CDKL4: variants seen among roughly 807,000 people sequenced by gnomAD.
CDKL4 encodes cyclin-dependent kinase-like 4.
A neutral mutation model predicts 42.0 loss-of-function variants in CDKL4; 44 were observed. The observed-to-expected ratio is 1.05, with a 90% CI of 0.82 to 1.35. The LOEUF (loss-of-function observed/expected upper bound fraction) is 1.35. CDKL4 is among the 40% of genes most tolerant of loss of function. The pLI is 0.00. For missense variants in CDKL4, 393 were observed against 369.9 expected (o/e 1.06, Z -0.51); for synonymous variants, 120 against 121.6 (o/e 0.99, Z 0.09).
At chr2:39,201,776 C>T (rs1676866365) in intron 5 of CDKL4, among the ~76,000 whole-genome samples, 1 of 152,072 alleles carries the variant, frequency 6.6e-6, no homozygotes, top group Non-Finnish European at 1.5e-5. Context: ...TAAGTGGGAG[C>T]TAAGCTATGA....
At chr2:39,209,182 A>AT (rs1677420548) in intron 4 of CDKL4, among the ~76,000 whole-genome samples, 1 of 151,840 alleles carries the variant, frequency 6.6e-6, no homozygotes, top group African/African-American at 2.4e-5. Flanking sequence ...GCATGATAGC[A>AT]TGTGCCATAG....
chr2:39,225,508 C>T (rs756196564), intron 3 of CDKL4, among the ~76,000 whole-genome samples: 8 of 151,786 alleles, frequency 5.3e-5, no homozygotes, highest in Non-Finnish European at 7.4e-5. Flanking sequence ...ATTTATCAAT[C>T]GTACATTTTT....
intron 5 of CDKL4, among the ~76,000 whole-genome samples, chr2:39,194,810 A>C (rs1299100494): frequency 6.6e-6 from 1 of 152,088 alleles, no homozygotes; most frequent in Non-Finnish European, 1.5e-5. Flanking sequence ...TTTGTGGTAA[A>C]ATACACATAA....
At chr2:39,221,478 T>C (rs1460579031) in intron 3 of CDKL4, among the ~76,000 whole-genome samples, 1 of 152,214 alleles carries the variant, frequency 6.6e-6, no homozygotes, top group Non-Finnish European at 1.5e-5. Context: ...GTTATTTAAA[T>C]AGATTTTAGG....
At chr2:39,204,655 A>G in intron 4 of CDKL4, 38 bp from the exon 5 acceptor site, 1 of 1,154,296 alleles carries the variant, frequency 8.7e-7, no homozygotes, top group Admixed American at 1.9e-5. Flanking sequence ...CTGAACCATC[A>G]AAATGACAAA....
chr2:39,213,142 T>G (rs1047327495), intron 4 of CDKL4, among the ~76,000 whole-genome samples: 1 of 152,180 alleles, frequency 6.6e-6, no homozygotes, highest in Non-Finnish European at 1.5e-5. Flanking sequence ...AACTTTCTTT[T>G]GTTATTCCCT....
intron 3 of CDKL4, 118 bp from the exon 4 acceptor site, chr2:39,213,590 G>T: frequency 1.9e-6 from 1 of 530,338 alleles, no homozygotes; most frequent in Non-Finnish European, 3.5e-6. Context: ...CCATGCGGAA[G>T]GGTCCTAAAA....
chr2:39,194,053 G>A (rs1040866047), intron 5 of CDKL4, among the ~76,000 whole-genome samples: 3 of 152,170 alleles, frequency 2.0e-5, no homozygotes, highest in Non-Finnish European at 2.9e-5. Context: ...GATTATGGGA[G>A]ATTCCTAAAA....
chr2:39,178,946 A>C, intron 9 of CDKL4: 1 of 1,444,890 alleles, frequency 6.9e-7, no homozygotes, highest in Non-Finnish European at 9.1e-7. Flanking sequence ...GAGCAGCCAA[A>C]GAGTTGCGTA....
At chr2:39,246,408 G>A (rs1403921620), upstream of CDKL4, among the ~76,000 whole-genome samples, 1 of 152,064 alleles carries the variant, frequency 6.6e-6, no homozygotes. Flanking sequence ...ATCACCTTAT[G>A]TACAAATCCA....
At chr2:39,196,625 T>C (rs1421612094) in intron 5 of CDKL4, among the ~76,000 whole-genome samples, 3 of 151,694 alleles carry the variant, frequency 2.0e-5, no homozygotes, top group Admixed American at 6.6e-5. Context: ...CTTTTTTTTT[T>C]GAGACGGAGT....
intron 1 of CDKL4, among the ~76,000 whole-genome samples, chr2:39,236,167 A>AG (rs1679361805): frequency 6.6e-6 from 1 of 151,436 alleles, no homozygotes; most frequent in Admixed American, 6.6e-5. Flanking sequence ...AAAAAAAAAA[A>AG]AAAACCAGAA....
chr2:39,224,274 T>C (rs886352314), intron 3 of CDKL4, among the ~76,000 whole-genome samples: 2 of 152,128 alleles, frequency 1.3e-5, no homozygotes, highest in Non-Finnish European at 1.5e-5. Flanking sequence ...TTTCAAAAAA[T>C]ACCCTATTGG....
At chr2:39,212,567 C>T (rs1677655154) in intron 4 of CDKL4, among the ~76,000 whole-genome samples, 1 of 151,244 alleles carries the variant, frequency 6.6e-6, no homozygotes, top group African/African-American at 2.4e-5. Context: ...GAAAGGGGCA[C>T]TTAGATTGCT....
intron 1 of CDKL4, among the ~76,000 whole-genome samples, chr2:39,243,342 A>G (rs1474839816): frequency 6.6e-6 from 1 of 152,190 alleles, no homozygotes; most frequent in Non-Finnish European, 1.5e-5. Context: ...TGAATTATTG[A>G]ATTTCAAAAG....
At chr2:39,241,768 G>C (rs964633456) in intron 1 of CDKL4, among the ~76,000 whole-genome samples, 1 of 152,076 alleles carries the variant, frequency 6.6e-6, no homozygotes. Flanking sequence ...CTATGTTAAC[G>C]ACTTCCTTTC....
downstream of CDKL4, among the ~76,000 whole-genome samples, chr2:39,173,151 T>C (rs1442587449): frequency 6.6e-6 from 1 of 152,226 alleles, no homozygotes; most frequent in Non-Finnish European, 1.5e-5. Flanking sequence ...TATATGTGTA[T>C]GTGTATATCA....
intron 7 of CDKL4, among the ~76,000 whole-genome samples, chr2:39,186,057 A>G (rs1017348779): frequency 6.6e-6 from 1 of 152,184 alleles, no homozygotes; most frequent in Non-Finnish European, 1.5e-5. Flanking sequence ...TGAGGAAAGA[A>G]GGGGATGGAG....
chr2:39,202,718 G>T (rs934180248), intron 5 of CDKL4, among the ~76,000 whole-genome samples: 4 of 152,108 alleles, frequency 2.6e-5, no homozygotes, highest in Non-Finnish European at 4.4e-5. Context: ...TAAGGTAAAG[G>T]TCCAACTTCC....
Sources: gnomAD v4.1 joint callset for allele counts (sites outside exome capture counted in the v4.1 genomes callset) on GRCh38, gnomAD v4.1.1 for gene constraint, MANE v1.5 for transcripts, NCBI Gene and HGNC (gene_info 2026-07-23, HGNC 2026-07-21) for gene names.